PIR: variants seen among roughly 807,000 people sequenced by gnomAD.
PIR encodes pirin, also known as pirin (iron-binding nuclear protein).
A neutral mutation model predicts 24.2 loss-of-function variants in PIR; 22 were observed. The observed-to-expected ratio is 0.91, with a 90% CI of 0.65 to 1.30. The LOEUF is 1.30. PIR is among the 50% of genes most tolerant of loss of function. The pLI is 0.00. For missense variants in PIR, 220 were observed against 220.3 expected, an observed-to-expected ratio of 1.00 and a Z score of 0.01; for synonymous variants, 80 against 79.6, an observed-to-expected ratio of 1.00 and a Z score of -0.03.
chrX:15,433,265 G>C (rs1421041993), intron 5 of PIR, among the ~76,000 whole-genome samples: 3 of 110,785 alleles, frequency 2.7e-5, no homozygotes, highest in Admixed American at 1.9e-4. Flanking sequence ...GGGAACTAAA[G>C]TGTTTAAGGG....
chrX:15,435,494 T>TG (rs1925723623), intron 5 of PIR, among the ~76,000 whole-genome samples: 1 of 112,063 alleles, frequency 8.9e-6, no homozygotes, highest in Non-Finnish European at 1.9e-5. Context: ...AGAGCCTCAA[T>TG]GGGGAAAACC....
At chrX:15,410,920 A>G (rs2147018017) in intron 6 of PIR, among the ~76,000 whole-genome samples, 1 of 112,355 alleles carries the variant, frequency 8.9e-6, no homozygotes, top group African/African-American at 3.2e-5. Context: ...CTTGCTGCAA[A>G]AGAAAACAAA....
At chrX:15,437,207 G>A (rs1199245272) in intron 5 of PIR, among the ~76,000 whole-genome samples, 1 of 111,860 alleles carries the variant, frequency 8.9e-6, no homozygotes, top group Non-Finnish European at 1.9e-5. Flanking sequence ...TTGCCTAGTT[G>A]GGTTTCAGCC....
rs1925533690 is a variant in PIR, at chrX:15,432,227, A to G, written c.481-6237T>C. Among the ~76,000 whole-genome samples, 4 of 111,917 alleles carry G rather than the reference A, an allele frequency of 3.6e-5. No individual in the cohort carries two copies. In the South Asian group the frequency reaches 1.5e-3, roughly 41 times the overall value. Reference sequence around the variant, plus strand: ...ATCAATTAATTTCCTCATTCAAAAAATATTGGTTAAGAATCTATAATGTGC... The same window carrying G: ...ATCAATTAATTTCCTCATTCAAAAAGTATTGGTTAAGAATCTATAATGTGC... On this transcript the variant is annotated intron_variant, in intron 5 of 9. Transcript: ENST00000380420.
chrX:15,472,716 T>C (rs1216356426), intron 3 of PIR, among the ~76,000 whole-genome samples: 1 of 112,178 alleles, frequency 8.9e-6, no homozygotes, highest in Non-Finnish European at 1.9e-5. Context: ...TCTGGGCTGA[T>C]GAAAGTGTTC....
At chrX:15,428,094 G>A (rs192889338) in intron 5 of PIR, among the ~76,000 whole-genome samples, 2 of 111,236 alleles carry the variant, frequency 1.8e-5, no homozygotes, top group East Asian at 2.8e-4. Flanking sequence ...TGGCTTAGAA[G>A]GTCAAGCTGC....
chrX:15,454,994 G>A lies in PIR; in HGVS notation c.480+854C>T, dbSNP rs767728830. Among the ~76,000 whole-genome samples the A allele has an allele frequency of 4.4e-5, 5 of 112,470 alleles. No individual in the cohort carries two copies. In the South Asian group the frequency reaches 1.5e-3, roughly 33 times the overall value. On this transcript the variant is annotated intron_variant, in intron 5 of 9. Transcript: ENST00000380420. ...AGCCACCCTCTTTAGGACTCTGCCT[G>A]AGATGGCAGCCTTGCTTCACTTCCT...
intron 7 of PIR, among the ~76,000 whole-genome samples, chrX:15,403,825 A>G (rs1924465131): frequency 1.8e-5 from 2 of 111,409 alleles, no homozygotes; most frequent in Admixed American, 9.6e-5. Context: ...TCTCAAATGA[A>G]TACTTTCTTT....
rs1455900711 is a variant in PIR at position 15,455,891 on chromosome X, C to G, written c.437G>C (p.Gly146Ala). ...SEEIPKPSKD[G>A]VTVAVISGEA... ...TCCAGAAATGACAGCAACTGTCACA[C>G]CATCCTTACTGGGTTTAGGGATTTC... The change falls in exon 5 of 10, where the codon GGT (glycine) becomes GCT (alanine). Residue 146 changes from glycine (G) to alanine (A), a missense_variant. Gly to Ala is a moderately conservative substitution (Grantham distance 60). Coordinates refer to ENST00000380420, the MANE Select transcript of PIR (RefSeq NM_001018109.3). The G allele has an allele frequency of 2.5e-6, 3 of 1,209,376 alleles. No homozygotes were observed. The highest frequency in any genetic ancestry group is 3.4e-6 in the Non-Finnish European group (3 of 894,430).
chrX:15,472,984 G>C lies in PIR; in HGVS notation c.189+6745C>G, dbSNP rs534914005. On this transcript the variant is annotated intron_variant, in intron 3 of 9. Transcript: ENST00000380420. ...ATAAGCCATTTAAAAAAGAAAAAAG[G>C]CATAGTTTTTGCTTTTTATATAAAT... 5.4e-5 allele frequency among the ~76,000 whole-genome samples: 6 copies of C among 111,845 alleles called. No individual in the cohort carries two copies. The South Asian group carries it at 2.2e-3, about 42-fold the overall frequency.
At chrX:15,431,942 C>G (rs1348302319) in intron 5 of PIR, among the ~76,000 whole-genome samples, 1 of 110,206 alleles carries the variant, frequency 9.1e-6, no homozygotes, top group Non-Finnish European at 1.9e-5. Flanking sequence ...TATTTTTTTT[C>G]ATTGTAGTTC....
At chrX:15,433,349 T>C (rs1925572662) in intron 5 of PIR, among the ~76,000 whole-genome samples, 1 of 108,616 alleles carries the variant, frequency 9.2e-6, no homozygotes, top group Non-Finnish European at 1.9e-5. Context: ...GACACAAGAA[T>C]GTATTATCTC....
chrX:15,412,138 A>C (rs189294854), intron 6 of PIR, among the ~76,000 whole-genome samples: 47 of 112,515 alleles, frequency 4.2e-4, no homozygotes, highest in African/African-American at 1.4e-3. Context: ...ACGGATATTC[A>C]AATTGTGTCA....
rs1300662374 is a variant in PIR at position 15,445,876 on chromosome X, C to A, written c.480+9972G>T. Among the ~76,000 whole-genome samples, 4 of 78,508 alleles carry A rather than the reference C, an allele frequency of 5.1e-5. No individual in the cohort carries two copies. In the East Asian group the frequency reaches 1.8e-3, roughly 35 times the overall value. 68.2% of individuals were successfully genotyped at this position (78,508 alleles called of 115,157 possible). ...ACGGAGTCTCGCTCTGTCGCCCAGG[C>A]TGAAGTGCTGTGGCGCGATCTCGGC... On this transcript the variant is annotated intron_variant, in intron 5 of 9. Transcript: ENST00000380420.
intron 5 of PIR, among the ~76,000 whole-genome samples, chrX:15,448,669 C>A (rs1191478713): frequency 8.9e-6 from 1 of 112,109 alleles, no homozygotes; most frequent in Non-Finnish European, 1.9e-5. Flanking sequence ...TGCCATAACT[C>A]CACAAGTATC....
intron 5 of PIR, among the ~76,000 whole-genome samples, chrX:15,434,940 G>A (rs530453157): frequency 1.8e-5 from 2 of 111,974 alleles, no homozygotes; most frequent in East Asian, 5.6e-4. Context: ...GCCGGGTACA[G>A]TGGCTCAGGC....
rs892858600 is a variant in PIR at position 15,421,097 on chromosome X, A to G, written c.565+4809T>C. Among the ~76,000 whole-genome samples the G allele has an allele frequency of 3.6e-5, 4 of 112,123 alleles. No homozygotes were observed. The Admixed American group carries it at 3.8e-4, about 11-fold the overall frequency. ...TGAGGGTACTGGACATAGATAAGGGAGGACAAGGGATTGGAGGAAAGCAAC... is the reference window on the plus strand; with the variant it reads ...TGAGGGTACTGGACATAGATAAGGGGGGACAAGGGATTGGAGGAAAGCAAC... On this transcript the variant is annotated intron_variant, in intron 6 of 9. Coordinates refer to ENST00000380420, the MANE Select transcript of PIR (RefSeq NM_001018109.3).
chrX:15,475,512 G>A (rs1922146642), intron 3 of PIR, among the ~76,000 whole-genome samples: 1 of 111,349 alleles, frequency 9.0e-6, no homozygotes, highest in Non-Finnish European at 1.9e-5. Flanking sequence ...CCTGGGGACA[G>A]GAGCCTTTCA....
chrX:15,385,419 G>A (rs1569190367), intron 9 of PIR, among the ~76,000 whole-genome samples: 1 of 111,720 alleles, frequency 9.0e-6, no homozygotes, highest in Non-Finnish European at 1.9e-5. Context: ...CTTAGATTTG[G>A]TTCTATTACA....
Sources: allele counts gnomAD v4.1 joint callset (sites outside exome capture counted in the v4.1 genomes callset), GRCh38; gene constraint gnomAD v4.1.1; transcripts MANE v1.5; gene names NCBI Gene and HGNC (gene_info 2026-07-23, HGNC 2026-07-21).